EXOC4: variants seen among roughly 807,000 people sequenced by gnomAD.
The protein encoded by EXOC4 is SEC8-like 1.
EXOC4 carries 71 observed loss-of-function variants against 107.2 expected under a neutral mutation model. The ratio of observed to expected loss-of-function variants is 0.66; its 90% CI spans 0.55 to 0.81. EXOC4 has a LOEUF of 0.81. EXOC4 is among the 30% of genes least tolerant of loss of function. EXOC4 has a pLI of 0.00. For missense variants in EXOC4, 1,108 were observed against 1,189.6 expected, an observed-to-expected ratio of 0.93 and a Z score of 1.01; for synonymous variants, 456 against 441.2, an observed-to-expected ratio of 1.03 and a Z score of -0.42.
intron 8 of EXOC4, among the ~76,000 whole-genome samples, chr7:133,476,808 G>T (rs188161941): frequency 6.6e-6 from 1 of 152,298 alleles, no homozygotes; most frequent in East Asian, 1.9e-4. Context: ...GATGAATGTG[G>T]AGGTTTCCTT....
At chr7:133,475,976 A>T (rs1219812697) in intron 8 of EXOC4, among the ~76,000 whole-genome samples, 1 of 152,100 alleles carries the variant, frequency 6.6e-6, no homozygotes, top group Non-Finnish European at 1.5e-5. Context: ...CCCAAAGTGT[A>T]TATCTCTTGG....
At chr7:133,438,067 C>G (rs10276144) in intron 7 of EXOC4, among the ~76,000 whole-genome samples, 129,424 of 152,172 alleles carry the variant, frequency 0.85, 55,366 homozygotes, top group East Asian at 0.95. Context: ...TTAGCTAACT[C>G]TAACAAGATA....
chr7:133,861,022 C>T (rs1159790739), intron 11 of EXOC4, among the ~76,000 whole-genome samples: 1 of 152,130 alleles, frequency 6.6e-6, no homozygotes, highest in East Asian at 1.9e-4. Flanking sequence ...CAAAGATATC[C>T]AAATACTACT....
At chr7:133,983,113 G>A (rs1420049601) in intron 14 of EXOC4, among the ~76,000 whole-genome samples, 1 of 151,768 alleles carries the variant, frequency 6.6e-6, no homozygotes, top group Admixed American at 6.6e-5. Context: ...AGGGGAGCAG[G>A]CATCTCACAT....
intron 14 of EXOC4, among the ~76,000 whole-genome samples, chr7:133,973,194 G>T (rs1350896220): frequency 2.6e-5 from 4 of 152,100 alleles, no homozygotes; most frequent in African/African-American, 4.8e-5. Context: ...GAAAATACAG[G>T]CATGAAAGTA....
rs144851034 is a variant in EXOC4, at chr7:133,535,666, C to A, written c.1417+55528C>A. On this transcript the variant is annotated intron_variant, in intron 9 of 17. Transcript: ENST00000253861. ...GCATATTTTTAAAGCAATATCAACT[C>A]TTTTATATGATTAAAAATGATTTCT... Among the ~76,000 whole-genome samples the A allele has an allele frequency of 5.1e-4, 78 of 152,260 alleles. No individual in the cohort carries two copies. In the East Asian group the frequency reaches 0.013, roughly 25 times the overall value.
At chr7:133,935,218 G>T (rs1007059692) in intron 13 of EXOC4, among the ~76,000 whole-genome samples, 124 of 152,044 alleles carry the variant, frequency 8.2e-4, no homozygotes, top group Non-Finnish European at 9.4e-4. Context: ...AGCCCCAGTT[G>T]CCGTGGCTTC....
intron 3 of EXOC4, among the ~76,000 whole-genome samples, chr7:133,305,126 T>A (rs560030627): frequency 6.6e-6 from 1 of 152,150 alleles, no homozygotes; most frequent in East Asian, 1.9e-4. Context: ...AGTTGGTTGC[T>A]CCAGGTTCCC....
intron 17 of EXOC4, among the ~76,000 whole-genome samples, chr7:134,045,008 AT>A (rs199564684): frequency 0.012 from 1,760 of 152,320 alleles, 25 homozygotes; most frequent in African/African-American, 0.04. Flanking sequence ...TACTGGTGTT[AT>A]TGTTAACTAG....
chr7:133,603,859 T>C (rs1168400656), intron 9 of EXOC4, among the ~76,000 whole-genome samples: 1 of 152,174 alleles, frequency 6.6e-6, no homozygotes, highest in Non-Finnish European at 1.5e-5. Context: ...ATAAACAGCT[T>C]ACTGTAACTT....
intron 5 of EXOC4, among the ~76,000 whole-genome samples, chr7:133,323,552 G>T (rs1231525100): frequency 1.3e-5 from 2 of 152,110 alleles, no homozygotes; most frequent in Non-Finnish European, 2.9e-5. Context: ...TGCATCCCAG[G>T]GATGAAGCCC....
At chr7:134,042,432 A>C (rs574415273) in intron 17 of EXOC4, among the ~76,000 whole-genome samples, 1 of 152,180 alleles carries the variant, frequency 6.6e-6, no homozygotes, top group Non-Finnish European at 1.5e-5. Context: ...TCTTGTCAAA[A>C]GCACTTTTTC....
intron 5 of EXOC4, among the ~76,000 whole-genome samples, chr7:133,322,717 A>G (rs1354866654): frequency 6.6e-6 from 1 of 152,188 alleles, no homozygotes; most frequent in African/African-American, 2.4e-5. Flanking sequence ...TTTTGGTTCC[A>G]TATGAAATTT....
chr7:133,320,939 G>A (rs181475137), intron 5 of EXOC4, among the ~76,000 whole-genome samples: 1 of 152,242 alleles, frequency 6.6e-6, no homozygotes, highest in East Asian at 1.9e-4. Context: ...TAATAAACTG[G>A]AAGTCCTAAG....
chr7:133,422,395 G>T (rs540104133), intron 7 of EXOC4, among the ~76,000 whole-genome samples: 1 of 152,152 alleles, frequency 6.6e-6, no homozygotes, highest in Non-Finnish European at 1.5e-5. Context: ...CTTATAGCTT[G>T]TATCATGTAT....
At chr7:133,634,244 C>T (rs556921784) in intron 10 of EXOC4, among the ~76,000 whole-genome samples, 12 of 152,258 alleles carry the variant, frequency 7.9e-5, no homozygotes, top group South Asian at 2.1e-4. Context: ...AGGATGTTAG[C>T]GTCAAATATA....
At chr7:133,749,001 A>G (rs1295932583) in intron 10 of EXOC4, among the ~76,000 whole-genome samples, 2 of 152,194 alleles carry the variant, frequency 1.3e-5, no homozygotes, top group African/African-American at 4.8e-5. Flanking sequence ...GCACAAAGAT[A>G]AGTACTTGGC....
intron 11 of EXOC4, among the ~76,000 whole-genome samples, 182 bp from the exon 12 acceptor site, chr7:133,895,417 C>T (rs900579606): frequency 6.6e-6 from 1 of 152,182 alleles, no homozygotes; most frequent in South Asian, 2.1e-4. Context: ...GAGCTGTAGA[C>T]CAGAGCTGTT....
chr7:134,025,165 G>A (rs1271773482), intron 17 of EXOC4, among the ~76,000 whole-genome samples: 1 of 152,094 alleles, frequency 6.6e-6, no homozygotes, highest in Non-Finnish European at 1.5e-5. Flanking sequence ...GTAAAATCTA[G>A]TAATAATTGT....
Sources: gnomAD v4.1 joint callset for allele counts (sites outside exome capture counted in the v4.1 genomes callset) on GRCh38, gnomAD v4.1.1 for gene constraint, MANE v1.5 for transcripts, NCBI Gene and HGNC (gene_info 2026-07-23, HGNC 2026-07-21) for gene names.